Variants in ZNF804A observed in about 807,000 individuals in gnomAD.
ZNF804A encodes the protein zinc finger protein 804A.
In ZNF804A, 2 loss-of-function variants were observed where a neutral mutation model predicts 16.5. The ratio of observed to expected loss-of-function variants is 0.12; its 90% CI spans 0.05 to 0.38. The LOEUF (loss-of-function observed/expected upper bound fraction) is 0.38. Ranked by LOEUF, ZNF804A falls within the 10% of genes least tolerant of loss-of-function variation. The pLI is 0.99. For missense variants in ZNF804A, 1,473 were observed against 1,390.7 expected, an observed-to-expected ratio of 1.06 and a Z score of -0.94; for synonymous variants, 534 against 489.6, an observed-to-expected ratio of 1.09 and a Z score of -1.20.
intron 1 of ZNF804A, among the ~76,000 whole-genome samples, chr2:184,687,774 G>T (rs1243378799): frequency 6.6e-6 from 1 of 152,156 alleles, no homozygotes; most frequent in African/African-American, 2.4e-5. Flanking sequence ...GAAATTTTAT[G>T]TTCTGTATAT....
At chr2:184,754,811 T>C (rs1190890146) in intron 1 of ZNF804A, among the ~76,000 whole-genome samples, 2 of 151,984 alleles carry the variant, frequency 1.3e-5, no homozygotes, top group East Asian at 3.9e-4. Context: ...TGTAATCATA[T>C]AAAAGTATTC....
chr2:184,937,292 A>G lies in ZNF804A; in HGVS notation c.1896A>G (p.Lys632=). The part of the protein sequence containing the change: ...AENSYTENAG[K]YLLEPISEKQ... ...ATAGTTACACTGAAAATGCTGGGAA[A>G]TATCTATTGGAACCAATTTCAGAAA... The change falls in exon 4 of 4, where the codon AAA becomes AAG. Residue 632 remains lysine (K), a synonymous_variant. Transcript: ENST00000302277. 6.2e-7 allele frequency: 1 copy of G among 1,613,968 alleles called. No individual in the cohort carries two copies.
At chr2:184,902,305 C>T (rs929952391) in intron 2 of ZNF804A, 9 of 156,274 alleles carry the variant, frequency 5.8e-5, no homozygotes, top group East Asian at 1.8e-4. Context: ...TTGTTAGCTT[C>T]GCTCTTCATG....
At chr2:184,613,663 A>G (rs1464988625) in intron 1 of ZNF804A, among the ~76,000 whole-genome samples, 1 of 152,180 alleles carries the variant, frequency 6.6e-6, no homozygotes, top group Non-Finnish European at 1.5e-5. Flanking sequence ...ATAAGCTAAC[A>G]TAGCTGATAT....
At chr2:184,665,035 A>G (rs1692234654) in intron 1 of ZNF804A, among the ~76,000 whole-genome samples, 1 of 152,140 alleles carries the variant, frequency 6.6e-6, no homozygotes, top group South Asian at 2.1e-4. Flanking sequence ...ACTTTCTTTA[A>G]ATCACAAATA....
At chr2:184,791,255 A>G (rs1694534883) in intron 1 of ZNF804A, among the ~76,000 whole-genome samples, 1 of 152,084 alleles carries the variant, frequency 6.6e-6, no homozygotes, top group South Asian at 2.1e-4. Context: ...TTGTTGCTTT[A>G]TAGGACCTGT....
In ZNF804A at chr2:184,682,179, C is replaced by G. The variant is rs1318985899; in HGVS notation, c.111+83109C>G. 2.0e-5 allele frequency among the ~76,000 whole-genome samples: 3 copies of G among 152,094 alleles called. No homozygotes were observed. In the East Asian group the frequency reaches 5.8e-4, roughly 29 times the overall value. Reference sequence around the variant, plus strand: ...GTTGATGGCAGGAGGCAGACACATTCCTGTGTTGAAAGGGGTGGGCCCTGC... The same window carrying G: ...GTTGATGGCAGGAGGCAGACACATTGCTGTGTTGAAAGGGGTGGGCCCTGC... On this transcript the variant is annotated intron_variant, in intron 1 of 3. Coordinates refer to ENST00000302277, the MANE Select transcript of ZNF804A (RefSeq NM_194250.2).
chr2:184,732,533 C>G (rs1693536972), intron 1 of ZNF804A, among the ~76,000 whole-genome samples: 1 of 152,020 alleles, frequency 6.6e-6, no homozygotes, highest in Non-Finnish European at 1.5e-5. Flanking sequence ...TTCCCTCTCC[C>G]TATAAATTTT....
At chr2:184,632,736 T>A (rs1691633886) in intron 1 of ZNF804A, among the ~76,000 whole-genome samples, 1 of 152,154 alleles carries the variant, frequency 6.6e-6, no homozygotes, top group Admixed American at 6.5e-5. Flanking sequence ...TATCTTATAT[T>A]CCCTTTCTAA....
intron 1 of ZNF804A, among the ~76,000 whole-genome samples, chr2:184,632,026 G>T (rs1691618664): frequency 6.6e-6 from 1 of 151,992 alleles, no homozygotes; most frequent in African/African-American, 2.4e-5. Flanking sequence ...CTCACTATTT[G>T]ACTTAGAAAG....
chr2:184,720,722 AC>A (rs1693299096), intron 1 of ZNF804A, among the ~76,000 whole-genome samples: 1 of 152,170 alleles, frequency 6.6e-6, no homozygotes, highest in African/African-American at 2.4e-5. Context: ...CTATCAAAGT[AC>A]CGATGTCATT....
chr2:184,923,045 T>G (rs534520707), intron 2 of ZNF804A, among the ~76,000 whole-genome samples: 20 of 152,208 alleles, frequency 1.3e-4, no homozygotes, highest in Middle Eastern at 3.4e-3. Context: ...TCTGGGTCTT[T>G]TGTGGTTCCA....
intron 1 of ZNF804A, among the ~76,000 whole-genome samples, chr2:184,714,548 G>A (rs1215741774): frequency 3.3e-5 from 5 of 152,086 alleles, no homozygotes; most frequent in African/African-American, 4.8e-5. Flanking sequence ...ATAGGATACA[G>A]TCAATAAATG....
chr2:184,907,470 A>G (rs1685295070), intron 2 of ZNF804A, among the ~76,000 whole-genome samples: 1 of 152,168 alleles, frequency 6.6e-6, no homozygotes. Flanking sequence ...AGTATTACAT[A>G]TCCCATATAC....
intron 2 of ZNF804A, among the ~76,000 whole-genome samples, chr2:184,929,487 A>ATG (rs955682770): frequency 2.0e-5 from 3 of 151,564 alleles, no homozygotes; most frequent in Non-Finnish European, 2.9e-5. Context: ...GTTTATATAT[A>ATG]TGTGTGTGTG....
intron 1 of ZNF804A, among the ~76,000 whole-genome samples, chr2:184,803,242 T>G (rs1694752359): frequency 6.6e-6 from 1 of 152,174 alleles, no homozygotes; most frequent in African/African-American, 2.4e-5. Context: ...GTTAACTGCA[T>G]GAATAACTTC....
At chr2:184,796,432 G>A (rs1483056457) in intron 1 of ZNF804A, among the ~76,000 whole-genome samples, 1 of 151,982 alleles carries the variant, frequency 6.6e-6, no homozygotes, top group African/African-American at 2.4e-5. Context: ...GGGTTATCCA[G>A]TTCTTCCTGG....
In ZNF804A at chr2:184,670,191, T is replaced by G. The variant is rs974036788; in HGVS notation, c.111+71121T>G. On this transcript the variant is annotated intron_variant, in intron 1 of 3. Coordinates refer to ENST00000302277, the MANE Select transcript of ZNF804A (RefSeq NM_194250.2). Reference sequence around the variant, plus strand: ...ATATAAATATGCTTTTTCTGTCTGATAGCTCTATTTTTTTCTGTTTATTCT... The same window carrying G: ...ATATAAATATGCTTTTTCTGTCTGAGAGCTCTATTTTTTTCTGTTTATTCT... Among the ~76,000 whole-genome samples, 4 of 152,214 alleles carry G rather than the reference T, an allele frequency of 2.6e-5. No individual in the cohort carries two copies. The East Asian group carries it at 7.7e-4, about 29-fold the overall frequency.
intron 1 of ZNF804A, among the ~76,000 whole-genome samples, chr2:184,775,879 G>A (rs1357888648): frequency 6.6e-6 from 1 of 151,556 alleles, no homozygotes; most frequent in Non-Finnish European, 1.5e-5. Context: ...TTAGGTATTA[G>A]TATTTCAGGG....
Sources: allele counts gnomAD v4.1 joint callset (sites outside exome capture counted in the v4.1 genomes callset), GRCh38; gene constraint gnomAD v4.1.1; transcripts MANE v1.5; gene names NCBI Gene and HGNC (gene_info 2026-07-23, HGNC 2026-07-21).